The following MACROD2 variants were observed in gnomAD, a reference collection of about 807,000 sequenced individuals.
MACROD2 encodes the protein mono-ADP ribosylhydrolase 2, also known as ADP-ribose glycohydrolase MACROD2.
In MACROD2, 36 loss-of-function variants were observed where a neutral mutation model predicts 70.4. The observed-to-expected ratio is 0.51, with a 90% CI of 0.39 to 0.68. The LOEUF is 0.68. Ranked by LOEUF, MACROD2 falls within the 30% of genes least tolerant of loss-of-function variation. The pLI is 0.00. For synonymous variants in MACROD2, 172 were observed against 178.8 expected, an observed-to-expected ratio of 0.96 and a Z score of 0.30; for missense variants, 496 against 538.4, an observed-to-expected ratio of 0.92 and a Z score of 0.78.
chr20:14,012,728 C>T (rs1055948664), intron 2 of MACROD2, among the ~76,000 whole-genome samples: 6 of 152,176 alleles, frequency 3.9e-5, no homozygotes, highest in Non-Finnish European at 8.8e-5. Flanking sequence ...TATGTGACAA[C>T]TGCAAGAGAT....
intron 8 of MACROD2, among the ~76,000 whole-genome samples, chr20:15,861,027 T>A (rs2064417500): frequency 6.6e-6 from 1 of 152,218 alleles, no homozygotes; most frequent in South Asian, 2.1e-4. Flanking sequence ...TAGAGATTAG[T>A]TGGCAGTGTA....
At chr20:15,511,036 G>A (rs2047492074) in intron 8 of MACROD2, among the ~76,000 whole-genome samples, 1 of 152,092 alleles carries the variant, frequency 6.6e-6, no homozygotes, top group Admixed American at 6.6e-5. Context: ...CCAGGTTAAG[G>A]GCCTCAGGCA....
chr20:14,930,406 A>G (rs962520879), intron 5 of MACROD2, among the ~76,000 whole-genome samples: 2 of 152,174 alleles, frequency 1.3e-5, no homozygotes, highest in African/African-American at 4.8e-5. Context: ...AAACATGTAT[A>G]TTAACTGTGG....
intron 3 of MACROD2, among the ~76,000 whole-genome samples, chr20:14,155,896 T>C (rs1235640429): frequency 6.6e-6 from 1 of 152,236 alleles, no homozygotes; most frequent in Admixed American, 6.5e-5. Flanking sequence ...GTGCAGTGGC[T>C]CATGCCTGTA....
intron 10 of MACROD2, among the ~76,000 whole-genome samples, chr20:15,891,147 C>G (rs1360012961): frequency 6.6e-6 from 1 of 152,070 alleles, no homozygotes; most frequent in East Asian, 1.9e-4. Context: ...GGAAGATCTT[C>G]TAGGGAGTTG....
intron 2 of MACROD2, among the ~76,000 whole-genome samples, chr20:14,042,479 CA>C (rs1601148582): frequency 1.3e-5 from 2 of 152,076 alleles, no homozygotes; most frequent in African/African-American, 4.8e-5. Flanking sequence ...CTGCAGACAC[CA>C]GCTAGTGTCC....
In MACROD2 at chr20:14,671,621, C is replaced by T. The variant is rs2070795748; in HGVS notation, c.302-13222C>T. ...GTGTGATCTGTAACTAAAAACTGCT[C>T]CAGTTTCCTGATGTGTAAATATTTA... On this transcript the variant is annotated intron_variant, in intron 4 of 17. Coordinates refer to ENST00000684519, the MANE Select transcript of MACROD2 (RefSeq NM_001351661.2). Among the ~76,000 whole-genome samples, 5 of 152,198 alleles carry T rather than the reference C, an allele frequency of 3.3e-5. No individual in the cohort carries two copies. The South Asian group carries it at 1.0e-3, about 32-fold the overall frequency.
Position 14,564,116 on chromosome 20 carries a change from T to G in MACROD2, c.301+70608T>G, listed in dbSNP as rs575024342. ...GGGAATGAACATCTTATTCAATAAA[T>G]GGTGCTGGGAGAATTGGAGAACCGT... On this transcript the variant is annotated intron_variant, in intron 4 of 17. Coordinates refer to ENST00000684519, the MANE Select transcript of MACROD2 (RefSeq NM_001351661.2). Among the ~76,000 whole-genome samples, 21 of 152,016 alleles carry G rather than the reference T, an allele frequency of 1.4e-4. No individual in the cohort carries two copies. In the South Asian group the frequency reaches 4.4e-3, roughly 32 times the overall value.
intron 8 of MACROD2, among the ~76,000 whole-genome samples, chr20:15,557,049 C>T (rs1195133518): frequency 6.6e-6 from 1 of 152,088 alleles, no homozygotes; most frequent in African/African-American, 2.4e-5. Context: ...ATTGATGAGT[C>T]ATACAATCAT....
intron 6 of MACROD2, among the ~76,000 whole-genome samples, chr20:15,417,105 C>A (rs1384200661): frequency 2.0e-5 from 3 of 152,136 alleles, no homozygotes; most frequent in African/African-American, 7.2e-5. Context: ...GGTAAACTAG[C>A]AACCTGCTCC....
At chr20:15,103,498 T>A (rs1601079467) in intron 5 of MACROD2, among the ~76,000 whole-genome samples, 1 of 151,776 alleles carries the variant, frequency 6.6e-6, no homozygotes, top group Non-Finnish European at 1.5e-5. Context: ...GGGAAGGAGG[T>A]GAGGACACTG....
chr20:15,049,071 TA>T (rs1485601661), intron 5 of MACROD2, among the ~76,000 whole-genome samples: 1 of 152,070 alleles, frequency 6.6e-6, no homozygotes, highest in African/African-American at 2.4e-5. Flanking sequence ...CAGCTTAAAT[TA>T]TTTTTTTTAA....
intron 13 of MACROD2, among the ~76,000 whole-genome samples, chr20:15,973,361 A>G (rs1568678502): frequency 6.6e-6 from 1 of 152,230 alleles, no homozygotes; most frequent in Non-Finnish European, 1.5e-5. Flanking sequence ...AGAGTTGCAC[A>G]TTAGCCTGAC....
At chr20:15,393,946 A>G (rs1323471159) in intron 6 of MACROD2, among the ~76,000 whole-genome samples, 1 of 152,108 alleles carries the variant, frequency 6.6e-6, no homozygotes, top group Non-Finnish European at 1.5e-5. Context: ...CCTTCCCTTC[A>G]TATTACTCTC....
At chr20:15,742,498 A>C (rs2051120303) in intron 8 of MACROD2, among the ~76,000 whole-genome samples, 1 of 152,232 alleles carries the variant, frequency 6.6e-6, no homozygotes, top group Non-Finnish European at 1.5e-5. Flanking sequence ...TTTAGTATAG[A>C]AAGGGACAGC....
intron 8 of MACROD2, among the ~76,000 whole-genome samples, chr20:15,840,185 C>T (rs1158823420): frequency 6.6e-6 from 1 of 152,194 alleles, no homozygotes; most frequent in African/African-American, 2.4e-5. Flanking sequence ...AATGTCTGAC[C>T]AGCCCATGAG....
At chr20:15,855,898 G>A (rs1195581565) in intron 8 of MACROD2, among the ~76,000 whole-genome samples, 1 of 151,882 alleles carries the variant, frequency 6.6e-6, no homozygotes, top group Non-Finnish European at 1.5e-5. Flanking sequence ...TCCATTATAT[G>A]AGTACATCGT....
chr20:15,958,019 T>G (rs915451034), intron 12 of MACROD2, among the ~76,000 whole-genome samples: 1 of 152,244 alleles, frequency 6.6e-6, no homozygotes, highest in Non-Finnish European at 1.5e-5. Flanking sequence ...CAAATATGTT[T>G]GAGGATTATT....
chr20:14,033,748 T>A (rs2053273677), intron 2 of MACROD2, among the ~76,000 whole-genome samples: 1 of 152,188 alleles, frequency 6.6e-6, no homozygotes, highest in Non-Finnish European at 1.5e-5. Flanking sequence ...CATGGCCTTA[T>A]TCAATCAAGC....
Sources: gnomAD v4.1 joint callset for allele counts (sites outside exome capture counted in the v4.1 genomes callset) on GRCh38, gnomAD v4.1.1 for gene constraint, MANE v1.5 for transcripts, NCBI Gene and HGNC (gene_info 2026-07-23, HGNC 2026-07-21) for gene names.